Variants in HIVEP1 observed in about 807,000 individuals in gnomAD.
HIVEP1 encodes the protein HIVEP zinc finger 1.
In HIVEP1, 36 loss-of-function variants were observed where a neutral mutation model predicts 180.0. The observed-to-expected ratio is 0.20, with a 90% CI of 0.15 to 0.26. The LOEUF (loss-of-function observed/expected upper bound fraction) is 0.26. Among genes scored for constraint, HIVEP1 ranks in the 10% least tolerant of loss-of-function variants. The pLI is 1.00. For synonymous variants in HIVEP1, 1,239 were observed against 1,239.0 expected (o/e 1.00, Z 0.00); for missense variants, 3,143 against 3,268.7 (o/e 0.96, Z 0.94).
chr6:12,053,065 A>G (rs1445733937), intron 2 of HIVEP1, among the ~76,000 whole-genome samples: 1 of 152,206 alleles, frequency 6.6e-6, no homozygotes, highest in Non-Finnish European at 1.5e-5. Context: ...CTTCACAGCT[A>G]TAATTTTCTT....
chr6:12,087,847 C>G (rs1417451104), intron 2 of HIVEP1, among the ~76,000 whole-genome samples: 1 of 152,138 alleles, frequency 6.6e-6, no homozygotes, highest in Non-Finnish European at 1.5e-5. Flanking sequence ...CTGTACTACT[C>G]TCAAATTATA....
intron 3 of HIVEP1, among the ~76,000 whole-genome samples, chr6:12,095,860 T>G (rs1773754614): frequency 6.6e-6 from 1 of 151,976 alleles, no homozygotes; most frequent in Non-Finnish European, 1.5e-5. Flanking sequence ...CTAGATAAGA[T>G]CTGTGTTATA....
At chr6:12,105,786 C>T (rs1561943534) in intron 3 of HIVEP1, among the ~76,000 whole-genome samples, 1 of 151,980 alleles carries the variant, frequency 6.6e-6, no homozygotes, top group Admixed American at 6.6e-5. Flanking sequence ...AAAGTGTAAT[C>T]CCAGCCCAAG....
In HIVEP1 at chr6:12,121,341, G is replaced by A. The variant is rs576536946; in HGVS notation, c.1546G>A (p.Val516Met). 35 of 1,614,136 alleles carry A rather than the reference G, an allele frequency of 2.2e-5. No individual in the cohort carries two copies. In the East Asian group the frequency reaches 5.6e-4, roughly 26 times the overall value. ...CCTGGGCGCCATGGAGCTGCAGCCT[G>A]TGCACATAATAAAGAGGATGTCAAA... ...HDLGAMELQP[V>M]HIIKRMSNAE... is the part of the protein sequence containing the mutation. Residue 516 changes from valine (V) to methionine (M), a missense_variant, in exon 4 of 9, where the codon GTG becomes ATG. Physicochemically the swap from Val to Met is conservative, Grantham distance 21. Transcript: ENST00000379388. This position sits in a 1 kb window ranked among gnomAD's most constrained non-coding sequence, Gnocchi z 5.3.
chr6:12,030,436 G>A (rs562809103), intron 2 of HIVEP1, among the ~76,000 whole-genome samples: 7 of 151,976 alleles, frequency 4.6e-5, no homozygotes, highest in Admixed American at 4.6e-4. Context: ...TGTTCCACAG[G>A]TCTCTGAGGG....
the HIVEP1 span, among the ~76,000 whole-genome samples, chr6:12,200,930 A>G: frequency 4.1e-4 from 63 of 152,320 alleles, no homozygotes; most frequent in Admixed American, 8.5e-4. Flanking sequence ...AATCCTTGGC[A>G]CACAACTTGA....
At chr6:12,046,351 C>T (rs1770112434) in intron 2 of HIVEP1, among the ~76,000 whole-genome samples, 1 of 152,090 alleles carries the variant, frequency 6.6e-6, no homozygotes, top group Non-Finnish European at 1.5e-5. Context: ...CCACATTTAA[C>T]CCTGCAAAAA....
intron 7 of HIVEP1, among the ~76,000 whole-genome samples, chr6:12,143,628 T>A (rs1043821099): frequency 6.6e-6 from 1 of 152,204 alleles, no homozygotes; most frequent in Non-Finnish European, 1.5e-5. Flanking sequence ...ATTGTATATT[T>A]AGAAAACCCC....
chr6:12,112,999 CAG>C (rs559804004), intron 3 of HIVEP1, among the ~76,000 whole-genome samples: 72 of 151,984 alleles, frequency 4.7e-4, no homozygotes, highest in Non-Finnish European at 9.9e-4. Flanking sequence ...AGGCTTTGCT[CAG>C]GGGGAGGAAG....
chr6:12,187,177 C>T, the HIVEP1 span, among the ~76,000 whole-genome samples: 2 of 152,210 alleles, frequency 1.3e-5, no homozygotes, highest in African/African-American at 4.8e-5. Context: ...GAGTTCAGAG[C>T]AGAGGACACA....
chr6:12,104,057 T>A (rs993665653), intron 3 of HIVEP1, among the ~76,000 whole-genome samples: 2 of 152,180 alleles, frequency 1.3e-5, no homozygotes, highest in African/African-American at 2.4e-5. Context: ...AATCTGGCTT[T>A]TAAAAATTAC....
intron 4 of HIVEP1, among the ~76,000 whole-genome samples, chr6:12,128,742 A>G (rs981717024): frequency 2.0e-5 from 3 of 152,088 alleles, no homozygotes; most frequent in Middle Eastern, 3.2e-3. Flanking sequence ...ATAAGGTGGT[A>G]TTATATTATT....
At chr6:12,109,606 T>C (rs114283874) in intron 3 of HIVEP1, among the ~76,000 whole-genome samples, 3,294 of 152,304 alleles carry the variant, frequency 0.022, 126 homozygotes, top group African/African-American at 0.075. Flanking sequence ...TTGCAGCAAT[T>C]CAGTCACATC....
At chr6:12,100,929 A>G (rs1170917155) in intron 3 of HIVEP1, among the ~76,000 whole-genome samples, 1 of 152,174 alleles carries the variant, frequency 6.6e-6, no homozygotes. Context: ...CAGAAATCCA[A>G]AACATTTCTG....
intron 4 of HIVEP1, 49 bp downstream of exon 4, chr6:12,125,919 T>G (rs369525270): frequency 1.8e-6 from 2 of 1,097,350 alleles, no homozygotes; most frequent in South Asian, 2.9e-5. Flanking sequence ...CAAATTTGTT[T>G]CCATGTGTCT....
In HIVEP1 at chr6:12,125,346, C is replaced by A. The variant is rs1390767440; in HGVS notation, c.5551C>A (p.Pro1851Thr). The A allele has an allele frequency of 6.8e-6, 11 of 1,614,082 alleles. No individual in the cohort carries two copies. Among genetic ancestry groups the A allele is most frequent in the Non-Finnish European group, 9.3e-6 (11 of 1,179,988 alleles). Reference sequence around the variant, plus strand: ...ATGCTCTAAATTTGTCGTTATAGAACCTATAAGTGAATTGCAGGAATTTGA... The same window carrying A: ...ATGCTCTAAATTTGTCGTTATAGAAACTATAAGTGAATTGCAGGAATTTGA... Reference protein sequence around the residue: ...TGCSKFVVIEPISELQEFENI... With the variant: ...TGCSKFVVIETISELQEFENI... The change falls in exon 4 of 9, where the codon CCT (proline) becomes ACT (threonine). Residue 1851 changes from proline (P) to threonine (T), a missense_variant. Around this residue, in one of 12 missense-constraint regions of HIVEP1, gnomAD observed 1,357 missense variants for 1,260.5 expected, o/e 1.08. Transcript: ENST00000379388.
chr6:12,143,239 A>G (rs1156397169), intron 7 of HIVEP1, among the ~76,000 whole-genome samples: 2 of 152,258 alleles, frequency 1.3e-5, no homozygotes, highest in African/African-American at 4.8e-5. Context: ...ACATATGCAA[A>G]TCAATAAACA....
intron 7 of HIVEP1, among the ~76,000 whole-genome samples, chr6:12,160,054 AT>A (rs1224812228): frequency 3.9e-5 from 6 of 152,344 alleles, no homozygotes; most frequent in African/African-American, 1.2e-4. Flanking sequence ...TTTCAAAAAA[AT>A]ACCTGTAAGT....
At chr6:12,206,364 A>T in the HIVEP1 span, among the ~76,000 whole-genome samples, 1 of 152,090 alleles carries the variant, frequency 6.6e-6, no homozygotes, top group Non-Finnish European at 1.5e-5. Context: ...TGAACTCCTG[A>T]ACTCAGGCAA....
Sources: allele counts gnomAD v4.1 joint callset (sites outside exome capture counted in the v4.1 genomes callset), GRCh38; gene constraint gnomAD v4.1.1; regional missense constraint gnomAD v4.1.1; non-coding constraint Gnocchi (gnomAD v3.1); transcripts MANE v1.5; gene names NCBI Gene and HGNC (gene_info 2026-07-23, HGNC 2026-07-21).